DDX10: variants seen among roughly 807,000 people sequenced by gnomAD.
The protein encoded by DDX10 is probable ATP-dependent RNA helicase DDX10.
Under a neutral mutation model 104.3 loss-of-function variants are expected in DDX10, and 74 were observed. That is an observed-to-expected ratio of 0.71 (90% CI 0.59 to 0.86). DDX10 has a LOEUF of 0.86. Ranked by LOEUF, DDX10 falls within the 40% of genes least tolerant of loss-of-function variation. The pLI is 0.00. For synonymous variants in DDX10, 351 were observed against 353.4 expected, an observed-to-expected ratio of 0.99 and a Z score of 0.08; for missense variants, 952 against 1,040.0, an observed-to-expected ratio of 0.92 and a Z score of 1.16.
rs914218017 is a variant in DDX10, at chr11:108,762,895, G to A, written c.1965+39433G>A. ...TGTTTTAAGCATTTCTTAAAATGTT[G>A]CCCATAGGCTGTGCTGGCTTTCCTT... On this transcript the variant is annotated intron_variant, in intron 13 of 17. Transcript: ENST00000322536. 4.6e-5 allele frequency among the ~76,000 whole-genome samples: 7 copies of A among 152,060 alleles called. No homozygotes were observed. In the Middle Eastern group the frequency reaches 0.014, roughly 296 times the overall value.
intron 13 of DDX10, among the ~76,000 whole-genome samples, chr11:108,823,503 T>A (rs1862353510): frequency 6.6e-6 from 1 of 152,182 alleles, no homozygotes; most frequent in African/African-American, 2.4e-5. Context: ...CTCTTAAATG[T>A]CTTAAAATAT....
At chr11:108,703,828 G>T (rs2094272047) in intron 9 of DDX10, among the ~76,000 whole-genome samples, 1 of 152,062 alleles carries the variant, frequency 6.6e-6, no homozygotes, top group African/African-American at 2.4e-5. Flanking sequence ...GGGAACTTTT[G>T]GTATTAGCGT....
At chr11:108,914,155 T>C (rs1243310945) in intron 16 of DDX10, among the ~76,000 whole-genome samples, 1 of 152,366 alleles carries the variant, frequency 6.6e-6, no homozygotes, top group Non-Finnish European at 1.5e-5. Context: ...TAAATAAACA[T>C]TTATATTGGA....
intron 13 of DDX10, among the ~76,000 whole-genome samples, chr11:108,779,478 T>C (rs1020024658): frequency 2.6e-5 from 4 of 151,858 alleles, no homozygotes; most frequent in African/African-American, 7.3e-5. Context: ...TAGGTGGGAA[T>C]TGAACAATGA....
At chr11:108,894,398 ATG>A (rs1284404927) in intron 16 of DDX10, among the ~76,000 whole-genome samples, 5 of 152,010 alleles carry the variant, frequency 3.3e-5, no homozygotes, top group African/African-American at 1.2e-4. Context: ...ATATTAAAAG[ATG>A]TGTTTATACA....
chr11:108,882,314 C>T (rs1863237928), intron 16 of DDX10, among the ~76,000 whole-genome samples: 1 of 152,166 alleles, frequency 6.6e-6, no homozygotes, highest in African/African-American at 2.4e-5. Context: ...ATTTTCTGTG[C>T]TCATTTGAAA....
intron 13 of DDX10, among the ~76,000 whole-genome samples, chr11:108,751,392 T>A (rs944341886): frequency 7.9e-5 from 12 of 152,160 alleles, no homozygotes; most frequent in African/African-American, 2.7e-4. Flanking sequence ...AATGAAACTT[T>A]CCATGAGTTT....
At chr11:108,760,467 C>G (rs540359524) in intron 13 of DDX10, among the ~76,000 whole-genome samples, 2 of 151,990 alleles carry the variant, frequency 1.3e-5, no homozygotes, top group Non-Finnish European at 2.9e-5. Flanking sequence ...CAAACTCATG[C>G]ATGTTTTCAT....
chr11:108,918,384 A>AT (rs1436225219), intron 17 of DDX10: 5 of 246,196 alleles, frequency 2.0e-5, no homozygotes, highest in East Asian at 7.2e-5. Context: ...TTAGGGTTTT[A>AT]TTTTTTTTCA....
At chr11:108,823,334 G>A (rs1338677377) in intron 13 of DDX10, among the ~76,000 whole-genome samples, 1 of 152,304 alleles carries the variant, frequency 6.6e-6, no homozygotes, top group South Asian at 2.1e-4. Context: ...GCACATGGTA[G>A]TTGTAAACGT....
chr11:108,916,835 T>C (rs1318374432), intron 16 of DDX10, among the ~76,000 whole-genome samples: 4 of 152,110 alleles, frequency 2.6e-5, no homozygotes, highest in Admixed American at 2.0e-4. Flanking sequence ...CATTAGTTTG[T>C]TTTTTGACAA....
rs761401322 is a variant in DDX10, at chr11:108,838,542, A to G, written c.2062A>G (p.Ile688Val). Reference protein sequence around the residue: ...MKRNFKVNKKITFTDEGELVQ... With the variant: ...MKRNFKVNKKVTFTDEGELVQ... ...GAGAAATTTTAAAGTGAATAAGAAG[A>G]TAACATTTACTGATGAAGGGGAGGT... is the stretch of plus-strand genomic sequence containing the variant. Residue 688 changes from isoleucine to valine, a missense_variant, in exon 14 of 18, where the codon ATA (isoleucine) becomes GTA (valine). By Grantham distance (29) the Ile-to-Val change is conservative. Around this residue, in one of 3 missense-constraint regions of DDX10, gnomAD observed 533 missense variants for 534.1 expected, o/e 1.00. Coordinates refer to ENST00000322536, the MANE Select transcript of DDX10 (RefSeq NM_004398.4). 1.9e-6 allele frequency: 3 copies of G among 1,611,326 alleles called. No homozygotes were observed. The highest frequency in any genetic ancestry group is 2.5e-6 in the Non-Finnish European group (3 of 1,178,896).
intron 6 of DDX10, among the ~76,000 whole-genome samples, chr11:108,684,886 T>C (rs1217431600): frequency 4.1e-5 from 6 of 144,608 alleles, no homozygotes; most frequent in Non-Finnish European, 6.1e-5. Context: ...TTTTAATGAT[T>C]GCCATTCTAA....
At chr11:108,903,863 T>G (rs879878039) in intron 16 of DDX10, among the ~76,000 whole-genome samples, 2 of 152,184 alleles carry the variant, frequency 1.3e-5, no homozygotes, top group Non-Finnish European at 2.9e-5. Context: ...CTGACTGTTA[T>G]AAATAATGCT....
intron 13 of DDX10, among the ~76,000 whole-genome samples, chr11:108,797,666 C>CT (rs2134554210): frequency 6.6e-6 from 1 of 152,316 alleles, no homozygotes; most frequent in East Asian, 1.9e-4. Context: ...AGAGCCATGT[C>CT]TTTATCACAG....
chr11:108,898,417 C>G (rs1038961144), intron 16 of DDX10, among the ~76,000 whole-genome samples: 1 of 151,948 alleles, frequency 6.6e-6, no homozygotes, highest in East Asian at 1.9e-4. Context: ...ATCATGTCCC[C>G]TAGAGGGTGG....
intron 13 of DDX10, among the ~76,000 whole-genome samples, chr11:108,769,096 G>A (rs934884605): frequency 2.6e-5 from 4 of 151,872 alleles, no homozygotes; most frequent in Admixed American, 2.0e-4. Context: ...ATTTCTGATT[G>A]CATTTAAAAT....
intron 13 of DDX10, among the ~76,000 whole-genome samples, chr11:108,831,161 T>C (rs1283866328): frequency 6.6e-6 from 1 of 152,158 alleles, no homozygotes; most frequent in African/African-American, 2.4e-5. Flanking sequence ...ATCCCAGCAC[T>C]TTGGGAGTCT....
At chr11:108,717,476 A>AT (rs548962608) in intron 11 of DDX10, among the ~76,000 whole-genome samples, 2 of 152,002 alleles carry the variant, frequency 1.3e-5, no homozygotes, top group East Asian at 3.9e-4. Flanking sequence ...CACCCGGCCA[A>AT]TTTTTTGTAT....
Sources: gnomAD v4.1 joint callset for allele counts (sites outside exome capture counted in the v4.1 genomes callset) on GRCh38, gnomAD v4.1.1 for gene constraint, gnomAD v4.1.1 regional missense constraint, MANE v1.5 for transcripts, NCBI Gene and HGNC (gene_info 2026-07-23, HGNC 2026-07-21) for gene names.